Variants in RTN1 observed in about 807,000 individuals in gnomAD.
The protein encoded by RTN1 is reticulon-1.
RTN1 carries 25 observed loss-of-function variants against 65.5 expected under a neutral mutation model. The ratio of observed to expected loss-of-function variants is 0.38; its 90% CI spans 0.28 to 0.53. RTN1 has a LOEUF of 0.53. Among genes scored for constraint, RTN1 ranks in the 20% least tolerant of loss-of-function variants. The probability of loss-of-function intolerance (pLI) is 0.79; values close to 1 mark genes in which losing one functional copy is unlikely to be tolerated. For synonymous variants in RTN1, 471 were observed against 447.6 expected (o/e 1.05, Z -0.66); for missense variants, 983 against 1,025.4 (o/e 0.96, Z 0.57).
At position 59,686,916 on chromosome 14, in the gene RTN1, C is replaced by G. The variant is rs369090553; in HGVS notation, c.1765+40003G>C. Among the ~76,000 whole-genome samples, 5 of 152,340 alleles carry G rather than the reference C, an allele frequency of 3.3e-5. No homozygotes were observed. The East Asian group carries it at 5.8e-4, about 18-fold the overall frequency. ...CAGCCATTCTTTAGTGACCTGGCAG[C>G]ATGGCCACTTAGGCATTTTATAATA... On this transcript the variant is annotated intron_variant, in intron 3 of 8. Transcript: ENST00000267484.
chr14:59,769,102 G>C (rs2882301), intron 1 of RTN1, among the ~76,000 whole-genome samples: 1 of 151,856 alleles, frequency 6.6e-6, no homozygotes, highest in African/African-American at 2.4e-5. Flanking sequence ...TTCTAAAGCA[G>C]TTGCTCTTAA....
intron 3 of RTN1, among the ~76,000 whole-genome samples, chr14:59,708,151 C>T (rs1014389941): frequency 5.9e-5 from 9 of 152,154 alleles, no homozygotes; most frequent in African/African-American, 9.7e-5. Context: ...TGCTTTCCCA[C>T]AGGAATATGT....
At chr14:59,725,442 A>G (rs755864495) in intron 3 of RTN1, among the ~76,000 whole-genome samples, 16 of 152,212 alleles carry the variant, frequency 1.1e-4, no homozygotes, top group Non-Finnish European at 4.4e-5. Context: ...AAGGTTGTTC[A>G]TGTTAATACT....
At chr14:59,645,244 C>T (rs960879695) in intron 3 of RTN1, among the ~76,000 whole-genome samples, 7 of 152,308 alleles carry the variant, frequency 4.6e-5, no homozygotes, top group African/African-American at 1.2e-4. Context: ...GACACACTGC[C>T]ATCTTTGCTG....
At chr14:59,795,755 G>A (rs1886427813) in intron 1 of RTN1, among the ~76,000 whole-genome samples, 1 of 152,090 alleles carries the variant, frequency 6.6e-6, no homozygotes. Context: ...TCAGTATCTA[G>A]ACTGACAGAT....
Position 59,870,291 on chromosome 14 carries a change from A to G in RTN1, c.241+99T>C. 1 of 1,241,208 alleles carries G rather than the reference A, an allele frequency of 8.1e-7. No individual in the cohort carries two copies. Among genetic ancestry groups the G allele is most frequent in the Non-Finnish European group, 1.0e-6 (1 of 970,148 alleles). 76.9% of individuals were successfully genotyped at this position (1,241,208 alleles called of 1,614,324 possible). A position where few individuals can be genotyped will look rare whatever the true frequency, so the allele number is the denominator to read the frequency against. On this transcript the variant is annotated intron_variant, in intron 1 of 8. Transcript: ENST00000267484. This position sits in a 1 kb window ranked among gnomAD's most constrained non-coding sequence, Gnocchi z 5.1. ...GGGGTGGGGTCGGCGCTCAAGGCAG[A>G]AAGCGCGAGGCAGGTGCCCAGGAGA...
rs753040898 is a variant in RTN1, at chr14:59,735,181, G to A, written c.1016-7513C>T. 3.8e-4 allele frequency among the ~76,000 whole-genome samples: 58 copies of A among 152,160 alleles called. 1 individual carries two copies. The highest frequency in any genetic ancestry group is 1.9e-3 in the Admixed American group (29 of 15,276). ...GAAATAAGATCCATTTCAGACAAGC[G>A]AATGCTGAGGGAATTAGTTATCACC... On this transcript the variant is annotated intron_variant, in intron 2 of 8. Coordinates refer to ENST00000267484, the MANE Select transcript of RTN1 (RefSeq NM_021136.3).
rs1422248232 is a variant in RTN1 at position 59,748,210 on chromosome 14, G to T, written c.242-1729C>A. Among the ~76,000 whole-genome samples, 72 of 125,982 alleles carry T rather than the reference G, an allele frequency of 5.7e-4. 1 individual carries two copies. The highest frequency in any genetic ancestry group is 2.0e-3 in the African/African-American group (69 of 33,894). The allele number at this position is 125,982 out of a possible 152,430, so 82.6% of individuals were successfully genotyped here. A position where few individuals can be genotyped will look rare whatever the true frequency, so the allele number is the denominator to read the frequency against. ...TGCCCCGATTAAGTCAGTCTGTGAG[G>T]TTTTTTTTTTTTTTTTTTCCGGGAA... On this transcript the variant is annotated intron_variant, in intron 1 of 8. Transcript: ENST00000267484.
At chr14:59,780,725 C>A (rs1216996314) in intron 1 of RTN1, among the ~76,000 whole-genome samples, 1 of 152,150 alleles carries the variant, frequency 6.6e-6, no homozygotes, top group Admixed American at 6.5e-5. Flanking sequence ...ACTGAGGAGG[C>A]TGTGGATTGC....
At chr14:59,856,275 T>C (rs1470512665) in intron 1 of RTN1, among the ~76,000 whole-genome samples, 1 of 152,210 alleles carries the variant, frequency 6.6e-6, no homozygotes, top group African/African-American at 2.4e-5. Flanking sequence ...ATCATGTTTT[T>C]ATATAAGACT....
chr14:59,651,662 T>C (rs972464199), intron 3 of RTN1, among the ~76,000 whole-genome samples: 11 of 151,950 alleles, frequency 7.2e-5, no homozygotes, highest in African/African-American at 2.4e-4. Flanking sequence ...TGCTTGAACC[T>C]GGGAGGTGGG....
At chr14:59,607,586 T>G (rs1566658791) in intron 3 of RTN1, 94 bp from the exon 4 acceptor site, 2 of 1,057,892 alleles carry the variant, frequency 1.9e-6, no homozygotes, top group Admixed American at 4.0e-5. Context: ...TTGCTGTGGG[T>G]TCTCACCTGG....
At chr14:59,712,895 A>G (rs1884453021) in intron 3 of RTN1, among the ~76,000 whole-genome samples, 1 of 145,332 alleles carries the variant, frequency 6.9e-6, no homozygotes, top group South Asian at 2.2e-4. Flanking sequence ...CTGGGTGACA[A>G]GAGTGAAACT....
At chr14:59,677,351 C>G (rs1394031329) in intron 3 of RTN1, among the ~76,000 whole-genome samples, 1 of 152,152 alleles carries the variant, frequency 6.6e-6, no homozygotes, top group Non-Finnish European at 1.5e-5. Flanking sequence ...ACATCTTTTT[C>G]CAGGGATGCT....
intron 3 of RTN1, among the ~76,000 whole-genome samples, chr14:59,612,912 T>C (rs1164764978): frequency 1.3e-5 from 2 of 152,246 alleles, no homozygotes; most frequent in Non-Finnish European, 2.9e-5. Context: ...TAATGCTGTA[T>C]AGCTCAGTAG....
chr14:59,702,225 C>T (rs12891188), intron 3 of RTN1, among the ~76,000 whole-genome samples: 23,281 of 152,098 alleles, frequency 0.15, 1,950 homozygotes, highest in South Asian at 0.29. Context: ...AGAGTGCTGC[C>T]GTGCACTGGA....
chr14:59,752,456 C>T (rs1267713458), intron 1 of RTN1, among the ~76,000 whole-genome samples: 1 of 152,036 alleles, frequency 6.6e-6, no homozygotes, highest in Non-Finnish European at 1.5e-5. Flanking sequence ...GATATCATTG[C>T]CTTGGGGGTT....
chr14:59,816,004 G>A lies in RTN1; in HGVS notation c.241+54386C>T, dbSNP rs112923804. ...CAATCACTTGTACCACCTGCTCTTC[G>A]TCCAAGATATGAAGTGCCTTCATGC... On this transcript the variant is annotated intron_variant, in intron 1 of 8. Transcript: ENST00000267484. This position sits in a 1 kb window ranked among gnomAD's most constrained non-coding sequence, Gnocchi z 4.3. Among the ~76,000 whole-genome samples, 674 of 152,172 alleles carry A rather than the reference G, an allele frequency of 4.4e-3. 10 individuals are homozygous for A. Among genetic ancestry groups the A allele is most frequent in the African/African-American group, 0.015 (636 of 41,530 alleles).
intron 8 of RTN1, among the ~76,000 whole-genome samples, chr14:59,599,639 C>T (rs1223365754): frequency 6.6e-6 from 1 of 152,196 alleles, no homozygotes; most frequent in Non-Finnish European, 1.5e-5. Flanking sequence ...TGACTACCCC[C>T]ACTAAAATCA....
Sources: allele counts gnomAD v4.1 joint callset (sites outside exome capture counted in the v4.1 genomes callset), GRCh38; gene constraint gnomAD v4.1.1; non-coding constraint Gnocchi (gnomAD v3.1); transcripts MANE v1.5; gene names NCBI Gene and HGNC (gene_info 2026-07-23, HGNC 2026-07-21).